CSMD2: variants seen among roughly 807,000 people sequenced by gnomAD.
CSMD2 encodes CUB and Sushi multiple domains 2.
CSMD2 carries 130 observed loss-of-function variants against 398.5 expected under a neutral mutation model. The observed-to-expected ratio is 0.33, with a 90% CI of 0.28 to 0.38. The LOEUF is 0.38. CSMD2 is among the 10% of genes least tolerant of loss of function. CSMD2 has a pLI of 1.00. For missense variants in CSMD2, 3,829 were observed against 4,764.9 expected, an observed-to-expected ratio of 0.80 and a Z score of 5.78; for synonymous variants, 1,828 against 1,908.5, an observed-to-expected ratio of 0.96 and a Z score of 1.10.
intron 9 of CSMD2, among the ~76,000 whole-genome samples, chr1:33,812,135 C>T (rs945729627): frequency 2.0e-5 from 3 of 152,128 alleles, no homozygotes; most frequent in African/African-American, 4.8e-5. Flanking sequence ...TCATTCATTC[C>T]AACATTTATT....
At chr1:33,672,330 C>T (rs931042813) in intron 25 of CSMD2, among the ~76,000 whole-genome samples, 2 of 152,264 alleles carry the variant, frequency 1.3e-5, no homozygotes, top group African/African-American at 2.4e-5. Flanking sequence ...ATATTCCGCA[C>T]CTGGCTCGGA....
intron 10 of CSMD2, among the ~76,000 whole-genome samples, chr1:33,795,507 T>C (rs1446037239): frequency 2.0e-5 from 3 of 152,202 alleles, no homozygotes; most frequent in Non-Finnish European, 2.9e-5. Flanking sequence ...GTGTGGCCAC[T>C]TGAAGTCCTG....
Position 33,514,842 on chromosome 1 carries a change from T to G in CSMD2, c.*1782A>C, listed in dbSNP as rs1653630926. The G allele has an allele frequency of 6.6e-6, 1 of 152,162 alleles. No individual in the cohort carries two copies. The allele number at this position is 152,162 out of a possible 1,614,324, so 9.4% of individuals were successfully genotyped here. On this transcript the variant is annotated 3_prime_UTR_variant, in exon 71 of 71. Transcript: ENST00000373381. ...TGCCTCTGTCAGCCTCCATTGTGTCTGCTGGAAATGGACGCCTCTCACTTT... is the reference window on the plus strand; with the variant it reads ...TGCCTCTGTCAGCCTCCATTGTGTCGGCTGGAAATGGACGCCTCTCACTTT...
intron 27 of CSMD2, among the ~76,000 whole-genome samples, chr1:33,653,058 A>C (rs1381181311): frequency 6.6e-6 from 1 of 152,162 alleles, no homozygotes; most frequent in Non-Finnish European, 1.5e-5. Context: ...CGCCCGGCCT[A>C]ATAAATTATT....
At position 34,074,828 on chromosome 1, in the gene CSMD2, G is replaced by A. The variant is rs76741334; in HGVS notation, c.404+14149C>T. 6.1e-3 allele frequency among the ~76,000 whole-genome samples: 936 copies of A among 152,254 alleles called. 11 individuals carry two copies. Among genetic ancestry groups the A allele is most frequent in the East Asian group, 0.055 (283 of 5,166 alleles). On this transcript the variant is annotated intron_variant, in intron 2 of 70. Coordinates refer to ENST00000373381, the MANE Select transcript of CSMD2 (RefSeq NM_001281956.2). ...GGTTTGACCAGGTTGTGAGGAAAGG[G>A]TGTCCTGGGCAAGGAAGGGACAACT...
intron 27 of CSMD2, among the ~76,000 whole-genome samples, chr1:33,653,123 T>A (rs1048258595): frequency 2.0e-5 from 3 of 152,190 alleles, no homozygotes; most frequent in Non-Finnish European, 2.9e-5. Context: ...AGGGAACTCA[T>A]CTAGCCTCTC....
At chr1:33,627,871 G>A (rs16835689) in intron 32 of CSMD2, among the ~76,000 whole-genome samples, 1,577 of 152,346 alleles carry the variant, frequency 0.01, 27 homozygotes, top group African/African-American at 0.036. Context: ...TGTGGATAAC[G>A]ACCCTAGTGA....
chr1:33,889,149 C>G (rs887592580), intron 5 of CSMD2, among the ~76,000 whole-genome samples: 1 of 152,092 alleles, frequency 6.6e-6, no homozygotes, highest in Non-Finnish European at 1.5e-5. Flanking sequence ...AAAAGACATG[C>G]TACTGATTGA....
At chr1:33,969,883 G>A (rs1381363396) in intron 3 of CSMD2, among the ~76,000 whole-genome samples, 1 of 151,972 alleles carries the variant, frequency 6.6e-6, no homozygotes, top group Non-Finnish European at 1.5e-5. Flanking sequence ...GAGGCCAGGT[G>A]GGCGGATCAC....
intron 50 of CSMD2, 59 bp downstream of exon 50, chr1:33,572,447 T>C (rs1659680833): frequency 9.3e-6 from 13 of 1,394,274 alleles, no homozygotes; most frequent in Admixed American, 2.2e-5. Context: ...CTTGCAGGAA[T>C]CTTTCCAGCT....
In CSMD2 at chr1:33,521,585, G is replaced by A. The variant is rs201777176; in HGVS notation, c.10510-35C>T. 9.5e-6 allele frequency: 13 copies of A among 1,366,806 alleles called. No homozygotes were observed. In the East Asian group the frequency reaches 2.7e-4, roughly 29 times the overall value. The allele number at this position is 1,366,806 out of a possible 1,614,324, so 84.7% of individuals were successfully genotyped here. A position where few individuals can be genotyped will look rare whatever the true frequency, so the allele number is the denominator to read the frequency against. On this transcript the variant is annotated intron_variant, in intron 67 of 70. Transcript: ENST00000373381. ...TGGGGAGCACAGAGAGCAGGTGGGAGGCTGCTGGAAGGATCTAGAACTCCT... is the reference window on the plus strand; with the variant it reads ...TGGGGAGCACAGAGAGCAGGTGGGAAGCTGCTGGAAGGATCTAGAACTCCT...
chr1:33,633,276 T>C lies in CSMD2; in HGVS notation c.5200+146A>G. Reference sequence around the variant, plus strand: ...GAGCTCTCACGAGCTGGCTGCTGCGTTGTAGACAAGCACCAGAACACGACA... The same window carrying C: ...GAGCTCTCACGAGCTGGCTGCTGCGCTGTAGACAAGCACCAGAACACGACA... On this transcript the variant is annotated intron_variant, in intron 32 of 70. Coordinates refer to ENST00000373381, the MANE Select transcript of CSMD2 (RefSeq NM_001281956.2). This position sits in a 1 kb window ranked among gnomAD's most constrained non-coding sequence, Gnocchi z 5.0. 1.5e-6 allele frequency: 1 copy of C among 654,994 alleles called. No homozygotes were observed. The highest frequency in any genetic ancestry group is 2.7e-6 in the Non-Finnish European group (1 of 368,324). The allele number at this position is 654,994 out of a possible 1,614,324, so 40.6% of individuals were successfully genotyped here.
chr1:33,863,236 A>G (rs1424358342), intron 5 of CSMD2: 1 of 152,194 alleles, frequency 6.6e-6, no homozygotes, highest in Non-Finnish European at 1.5e-5. Context: ...ACACTTTTTC[A>G]TCTTTTCTCT....
chr1:33,807,569 T>G (rs1003829410), intron 10 of CSMD2, among the ~76,000 whole-genome samples: 2 of 152,100 alleles, frequency 1.3e-5, no homozygotes, highest in East Asian at 3.9e-4. Context: ...TAAACCTAAG[T>G]GGACAGTGGC....
intron 55 of CSMD2, among the ~76,000 whole-genome samples, chr1:33,554,582 G>A (rs1657784364): frequency 6.6e-6 from 1 of 152,132 alleles, no homozygotes; most frequent in Non-Finnish European, 1.5e-5. Context: ...TGACTCTCTT[G>A]TTAGGGATGA....
chr1:33,647,560 A>G (rs1387102077), intron 28 of CSMD2, among the ~76,000 whole-genome samples: 4 of 152,254 alleles, frequency 2.6e-5, no homozygotes, highest in Non-Finnish European at 5.9e-5. Context: ...AGTTTTTTGC[A>G]CCAAAATAAA....
chr1:33,885,676 T>C (rs1467088347), intron 5 of CSMD2, among the ~76,000 whole-genome samples: 1 of 152,162 alleles, frequency 6.6e-6, no homozygotes, highest in Non-Finnish European at 1.5e-5. Context: ...CCTATGCCAG[T>C]GTCTGGTTGG....
In CSMD2 at chr1:33,706,109, G is replaced by A. The variant is rs374122417; in HGVS notation, c.3576+2980C>T. 2.4e-4 allele frequency among the ~76,000 whole-genome samples: 37 copies of A among 152,196 alleles called. No individual in the cohort carries two copies. The East Asian group carries it at 7.2e-3, about 29-fold the overall frequency. ...TATTTATCGTTAAGTTAGGTGATAT[G>A]TCACAGACTTACAGAGGTATATTAA... On this transcript the variant is annotated intron_variant, in intron 22 of 70. Transcript: ENST00000373381.
intron 1 of CSMD2, among the ~76,000 whole-genome samples, chr1:34,102,620 A>T (rs1660076062): frequency 1.9e-5 from 1 of 53,362 alleles, no homozygotes; most frequent in Non-Finnish European, 4.0e-5. Context: ...TGATCCAACC[A>T]TATCCCTGTA....
Sources: gnomAD v4.1 joint callset for allele counts (sites outside exome capture counted in the v4.1 genomes callset) on GRCh38, gnomAD v4.1.1 for gene constraint, Gnocchi (gnomAD v3.1) non-coding constraint, MANE v1.5 for transcripts, NCBI Gene and HGNC (gene_info 2026-07-23, HGNC 2026-07-21) for gene names.